The following GALNT3 variants were observed in gnomAD, a reference collection of about 807,000 sequenced individuals.
GALNT3 encodes GalNAc transferase 3.
A neutral mutation model predicts 69.8 loss-of-function variants in GALNT3; 51 were observed. The observed-to-expected ratio is 0.73, with a 90% confidence interval of 0.58 to 0.92. The LOEUF (loss-of-function observed/expected upper bound fraction) is 0.92. Among genes scored for constraint, GALNT3 ranks in the 40% least tolerant of loss-of-function variants. The pLI, the probability that GALNT3 is intolerant of heterozygous loss-of-function variation, is 0.00. For missense variants in GALNT3, 711 were observed against 760.0 expected (o/e 0.94, Z 0.76); for synonymous variants, 265 against 248.5 (o/e 1.07, Z -0.63).
At chr2:165,781,274 T>C (rs948005330) in intron 1 of GALNT3, among the ~76,000 whole-genome samples, 2 of 152,128 alleles carry the variant, frequency 1.3e-5, no homozygotes, top group African/African-American at 2.4e-5. Flanking sequence ...AGGTAGCATA[T>C]TCAAATGTTG....
chr2:165,755,074 A>G lies in GALNT3; in HGVS notation c.1393-11T>C. 6.2e-7 allele frequency: 1 copy of G among 1,608,106 alleles called. No homozygotes were observed. The highest frequency in any genetic ancestry group is 8.5e-7 in the Non-Finnish European group (1 of 1,174,866). On this transcript the variant is annotated splice_polypyrimidine_tract_variant and intron_variant, in intron 7 of 10. Transcript: ENST00000392701. ...ATCACCAAATGCTTTCTGTAGAAAC[A>G]TGAGAAATGAAGGGAATGCTTAATT...
chr2:165,783,068 T>C (rs916960977), intron 1 of GALNT3, among the ~76,000 whole-genome samples: 15 of 152,180 alleles, frequency 9.9e-5, no homozygotes, highest in Non-Finnish European at 2.1e-4. Context: ...GAGATGTATA[T>C]ACTTTGTATT....
At chr2:165,775,506 C>G (rs771640375) in intron 1 of GALNT3, among the ~76,000 whole-genome samples, 39 of 152,040 alleles carry the variant, frequency 2.6e-4, no homozygotes, top group Non-Finnish European at 5.3e-4. Flanking sequence ...TCTTATCAAC[C>G]CTGATCACTT....
At chr2:165,759,257 G>T in intron 5 of GALNT3, 79 bp downstream of exon 5, 1 of 1,122,566 alleles carries the variant, frequency 8.9e-7, no homozygotes, top group Non-Finnish European at 1.3e-6. Context: ...AGAGGCAATT[G>T]CTATAAAGCA....
intron 1 of GALNT3, among the ~76,000 whole-genome samples, chr2:165,772,110 G>C (rs1404439942): frequency 6.6e-6 from 1 of 152,130 alleles, no homozygotes; most frequent in Non-Finnish European, 1.5e-5. Flanking sequence ...CTTTTGAAAA[G>C]AATATAAGAA....
intron 1 of GALNT3, among the ~76,000 whole-genome samples, chr2:165,783,211 C>T (rs944511331): frequency 4.6e-5 from 7 of 152,210 alleles, no homozygotes; most frequent in Non-Finnish European, 1.0e-4. Flanking sequence ...TGCAGGGAAT[C>T]CCTTCACTAA....
At chr2:165,760,772 C>T (rs1688531104) in intron 4 of GALNT3, among the ~76,000 whole-genome samples, 1 of 152,042 alleles carries the variant, frequency 6.6e-6, no homozygotes, top group Admixed American at 6.6e-5. Context: ...AAGCACTGGC[C>T]AATTCAAAGC....
In GALNT3 at chr2:165,774,000, T is replaced by G. The variant is rs79632405; in HGVS notation, c.-108-3192A>C. 9.0e-3 allele frequency among the ~76,000 whole-genome samples: 1,376 copies of G among 152,288 alleles called. 26 individuals carry two copies. The highest frequency in any genetic ancestry group is 0.032 in the African/African-American group (1,313 of 41,546). On this transcript the variant is annotated intron_variant, in intron 1 of 10. Coordinates refer to ENST00000392701, the MANE Select transcript of GALNT3 (RefSeq NM_004482.4). ...TTGGCAGAGAGAGTAGTTGTAGTCATGCCTTCAAGATCCTAAGGCTTAGGA... is the reference window on the plus strand; with the variant it reads ...TTGGCAGAGAGAGTAGTTGTAGTCAGGCCTTCAAGATCCTAAGGCTTAGGA...
rs1688726109 is a variant in GALNT3, at chr2:165,770,269, C to T, written c.432G>A (p.Gly144=). The change falls in exon 2 of 11, where the codon GGG becomes GGA. Residue 144 remains glycine, a synonymous_variant. Transcript: ENST00000392701. ...AAGCATTAAAGCAGTGTTTAGCTTC[C>T]CCACGTTCCTTTTCCTTTTGCTCTT... ...SVEEQKEKER[G]EAKHCFNAFA... 6.2e-7 allele frequency: 1 copy of T among 1,614,034 alleles called. No individual in the cohort carries two copies. The highest frequency in any genetic ancestry group is 2.2e-5 in the East Asian group (1 of 44,878).
rs1558992611 is a variant in GALNT3 at position 165,749,840 on chromosome 2, A to G, written c.1681T>C (p.Cys561Arg). The change falls in exon 10 of 11, where the codon TGT (cysteine) becomes CGT (arginine). Residue 561 changes from cysteine to arginine, a missense_variant. Transcript: ENST00000392701. ...ACGAGACCTTGAGCAGCATGAAGAC[A>G]TAATTCCTTCTGGATGTTGTGCCGA... ...EIRHNIQKELCLHAAQGLVQL... is the reference protein window; with the variant it reads ...EIRHNIQKELRLHAAQGLVQL... The G allele has an allele frequency of 1.2e-6, 2 of 1,613,744 alleles. No individual in the cohort carries two copies. Among genetic ancestry groups the G allele is most frequent in the Admixed American group, 1.7e-5 (1 of 59,990 alleles).
intron 1 of GALNT3, among the ~76,000 whole-genome samples, chr2:165,779,204 A>T (rs1364583784): frequency 6.6e-6 from 1 of 152,164 alleles, no homozygotes; most frequent in African/African-American, 2.4e-5. Flanking sequence ...CCAGAAAGAG[A>T]AGCCTCAGCC....
chr2:165,773,753 T>C (rs1392433226), intron 1 of GALNT3, among the ~76,000 whole-genome samples: 1 of 149,780 alleles, frequency 6.7e-6, no homozygotes, highest in Non-Finnish European at 1.5e-5. Context: ...AAAAAGAGAC[T>C]GACTGGAAAG....
chr2:165,749,455 G>A (rs1688317172), intron 10 of GALNT3, among the ~76,000 whole-genome samples: 2 of 151,990 alleles, frequency 1.3e-5, no homozygotes, highest in Admixed American at 1.3e-4. Flanking sequence ...AGCATTATAA[G>A]AAACCCTAAA....
intron 1 of GALNT3, among the ~76,000 whole-genome samples, chr2:165,777,945 G>A (rs1490457698): frequency 1.3e-5 from 2 of 152,180 alleles, no homozygotes; most frequent in East Asian, 3.9e-4. Context: ...ATCAGCAACC[G>A]TGAGGCACAG....
intron 1 of GALNT3, among the ~76,000 whole-genome samples, chr2:165,780,650 T>C (rs1683084236): frequency 7.4e-6 from 1 of 136,010 alleles, no homozygotes; most frequent in African/African-American, 2.9e-5. Flanking sequence ...GGTTTTTTTG[T>C]TGTTGTTGTT....
intron 4 of GALNT3, 131 bp downstream of exon 4, chr2:165,761,774 T>C: frequency 1.0e-6 from 1 of 978,836 alleles, no homozygotes; most frequent in Non-Finnish European, 1.6e-6. Context: ...GTCATTGCTA[T>C]AATCGCCAGT....
In GALNT3 at chr2:165,794,034, G is replaced by A. The variant is rs367963105; in HGVS notation, c.-128C>T. 6.6e-6 allele frequency: 1 copy of A among 152,670 alleles called. No individual in the cohort carries two copies. The highest frequency in any genetic ancestry group is 2.1e-4 in the South Asian group (1 of 4,836). The allele number at this position is 152,670 out of a possible 1,614,324, so 9.5% of individuals were successfully genotyped here. On this transcript the variant is annotated 5_prime_UTR_variant, in exon 1 of 11. Transcript: ENST00000392701. ...GCTTACCTGGCGGGTGGGCAGGGCA[G>A]GGTGGCGGGAAGCGGCGGCCGGGCA...
intron 1 of GALNT3, among the ~76,000 whole-genome samples, chr2:165,787,622 T>A (rs1316906162): frequency 6.6e-6 from 1 of 152,158 alleles, no homozygotes; most frequent in Non-Finnish European, 1.5e-5. Flanking sequence ...GAGGAATATT[T>A]AGAAGGTAAA....
chr2:165,788,093 C>A (rs890418339), intron 1 of GALNT3, among the ~76,000 whole-genome samples: 1 of 152,064 alleles, frequency 6.6e-6, no homozygotes, highest in African/African-American at 2.4e-5. Context: ...CTTTGGGAGG[C>A]CGAGGCGGGA....
Sources: allele counts gnomAD v4.1 joint callset (sites outside exome capture counted in the v4.1 genomes callset), GRCh38; gene constraint gnomAD v4.1.1; transcripts MANE v1.5; gene names NCBI Gene and HGNC (gene_info 2026-07-23, HGNC 2026-07-21).